CACNA2D3: variants seen among roughly 807,000 people sequenced by gnomAD.
CACNA2D3 encodes voltage-dependent calcium channel subunit alpha-2/delta-3.
In CACNA2D3, 60 loss-of-function variants were observed where a neutral mutation model predicts 160.6. The ratio of observed to expected loss-of-function variants is 0.37; its 90% CI spans 0.30 to 0.46. The LOEUF (loss-of-function observed/expected upper bound fraction) is 0.46. Among genes scored for constraint, CACNA2D3 ranks in the 20% least tolerant of loss-of-function variants. CACNA2D3 has a pLI of 1.00. For missense variants in CACNA2D3, 1,205 were observed against 1,365.0 expected, an observed-to-expected ratio of 0.88 and a Z score of 1.85; for synonymous variants, 558 against 492.9, an observed-to-expected ratio of 1.13 and a Z score of -1.75.
At chr3:54,336,186 A>AC (rs1372752581) in intron 3 of CACNA2D3, among the ~76,000 whole-genome samples, 2 of 151,938 alleles carry the variant, frequency 1.3e-5, no homozygotes, top group Non-Finnish European at 2.9e-5. Flanking sequence ...TTACGCATGG[A>AC]CGCCCTCCTG....
intron 9 of CACNA2D3, among the ~76,000 whole-genome samples, chr3:54,613,702 C>T (rs1367745453): frequency 6.6e-6 from 1 of 152,186 alleles, no homozygotes; most frequent in Non-Finnish European, 1.5e-5. Flanking sequence ...GAGTCTGGCT[C>T]CTTGCTGCAT....
chr3:54,191,861 C>T (rs994379460), intron 2 of CACNA2D3, among the ~76,000 whole-genome samples: 7 of 152,124 alleles, frequency 4.6e-5, no homozygotes, highest in Admixed American at 4.6e-4. Context: ...AATGAAGGGC[C>T]CCAAAAGCGT....
intron 4 of CACNA2D3, among the ~76,000 whole-genome samples, chr3:54,453,034 C>T (rs1454515015): frequency 1.3e-5 from 2 of 151,948 alleles, no homozygotes; most frequent in Non-Finnish European, 2.9e-5. Context: ...CTCTGTCACC[C>T]AAGCTGGAGT....
At chr3:54,151,295 A>G (rs888894007) in intron 2 of CACNA2D3, among the ~76,000 whole-genome samples, 3 of 150,002 alleles carry the variant, frequency 2.0e-5, no homozygotes, top group Non-Finnish European at 4.4e-5. Context: ...GGATGTAGGG[A>G]CGGATAATGG....
chr3:54,228,407 T>TA (rs1287009896), intron 2 of CACNA2D3, among the ~76,000 whole-genome samples: 1 of 152,202 alleles, frequency 6.6e-6, no homozygotes, highest in Non-Finnish European at 1.5e-5. Context: ...CACTGAGAAT[T>TA]ACACAGAATG....
intron 2 of CACNA2D3, among the ~76,000 whole-genome samples, chr3:54,283,711 T>G (rs1211801165): frequency 1.3e-5 from 2 of 152,212 alleles, no homozygotes; most frequent in Non-Finnish European, 2.9e-5. Flanking sequence ...GCTCAAAACC[T>G]GATAACGACA....
intron 3 of CACNA2D3, among the ~76,000 whole-genome samples, chr3:54,377,607 T>C (rs563936280): frequency 9.2e-5 from 14 of 152,348 alleles, no homozygotes; most frequent in African/African-American, 3.1e-4. Context: ...CTAAAGGTTT[T>C]ATTATTTGTG....
rs59492761 is a variant in CACNA2D3 at position 55,033,828 on chromosome 3, T to TTATATAATATGTATTATATATTA, written c.2987+15511_2987+15512insTATATAATATGTATTATATATTA. 1.1e-4 allele frequency among the ~76,000 whole-genome samples: 6 copies of TTATATAATATGTATTATATATTA among 57,008 alleles called. 2 individuals carry two copies. Among genetic ancestry groups the TTATATAATATGTATTATATATTA allele is most frequent in the African/African-American group, 3.0e-4 (4 of 13,334 alleles). The allele number at this position is 57,008 out of a possible 152,430, so 37.4% of individuals were successfully genotyped here. Reference sequence around the variant, plus strand: ...ATATGTATTATATATTAAATATATTTAATATATAATATATATTACATATTA... The same window carrying TTATATAATATGTATTATATATTA: ...ATATGTATTATATATTAAATATATTTTATATAATATGTATTATATATTAAATATATAATATATATTACATATTA... On this transcript the variant is annotated intron_variant, in intron 35 of 37. Coordinates refer to ENST00000474759, the MANE Select transcript of CACNA2D3 (RefSeq NM_018398.3).
chr3:54,848,378 G>A (rs978582080), intron 17 of CACNA2D3, among the ~76,000 whole-genome samples: 1 of 151,692 alleles, frequency 6.6e-6, no homozygotes, highest in African/African-American at 2.4e-5. Flanking sequence ...AGGGTCAAAA[G>A]TGGTGGTGGT....
intron 2 of CACNA2D3, among the ~76,000 whole-genome samples, chr3:54,207,857 C>T (rs1701300740): frequency 6.6e-6 from 1 of 152,112 alleles, no homozygotes; most frequent in Non-Finnish European, 1.5e-5. Flanking sequence ...GATTAGCTAT[C>T]TCGGTGCATC....
intron 2 of CACNA2D3, among the ~76,000 whole-genome samples, chr3:54,313,087 C>T (rs1241978679): frequency 6.6e-6 from 1 of 152,096 alleles, no homozygotes; most frequent in African/African-American, 2.4e-5. Context: ...TCATTATGTG[C>T]AGGCACTGTG....
At chr3:54,597,430 C>T (rs991115285) in intron 9 of CACNA2D3, among the ~76,000 whole-genome samples, 1 of 152,150 alleles carries the variant, frequency 6.6e-6, no homozygotes, top group Non-Finnish European at 1.5e-5. Context: ...CTCCCACCTT[C>T]ACCCCTGAAA....
At chr3:54,553,166 A>C (rs571730668) in intron 5 of CACNA2D3, among the ~76,000 whole-genome samples, 119 of 152,350 alleles carry the variant, frequency 7.8e-4, no homozygotes, top group African/African-American at 2.7e-3. Flanking sequence ...AGTTTAGAGG[A>C]AGGGTAAATG....
At chr3:54,701,496 G>C (rs72872229) in intron 11 of CACNA2D3, among the ~76,000 whole-genome samples, 25,255 of 152,084 alleles carry the variant, frequency 0.17, 2,372 homozygotes, top group Non-Finnish European at 0.21. Flanking sequence ...CCCTACAAAA[G>C]GTCATTTAAA....
intron 11 of CACNA2D3, among the ~76,000 whole-genome samples, chr3:54,643,282 C>T (rs903759439): frequency 6.6e-6 from 1 of 152,302 alleles, no homozygotes; most frequent in Non-Finnish European, 1.5e-5. Context: ...ATACTCTGAA[C>T]ATGAGATGGG....
chr3:54,414,786 T>C (rs183053782), intron 4 of CACNA2D3, among the ~76,000 whole-genome samples: 5 of 148,044 alleles, frequency 3.4e-5, no homozygotes, highest in Non-Finnish European at 5.9e-5. Context: ...CTTGGCTCTT[T>C]TATTATTCTT....
intron 35 of CACNA2D3, among the ~76,000 whole-genome samples, chr3:55,055,864 C>T (rs538803623): frequency 3.3e-5 from 5 of 152,022 alleles, no homozygotes; most frequent in Non-Finnish European, 7.4e-5. Context: ...TACAGAAATG[C>T]TAAAAACTAC....
chr3:54,176,886 C>G (rs192800885), intron 2 of CACNA2D3, among the ~76,000 whole-genome samples: 72 of 152,114 alleles, frequency 4.7e-4, no homozygotes, highest in Non-Finnish European at 6.3e-4. Context: ...GTGATTATTT[C>G]AGGCAGCCCA....
At chr3:54,350,968 GTTTTTTTTT>G (rs758501839) in intron 3 of CACNA2D3, among the ~76,000 whole-genome samples, 4 of 56,130 alleles carry the variant, frequency 7.1e-5, no homozygotes, top group South Asian at 1.4e-3. Context: ...TCTTGAGTCT[GTTTTTTTTT>G]TTTTGTTTGT....
Sources: gnomAD v4.1 joint callset for allele counts (sites outside exome capture counted in the v4.1 genomes callset) on GRCh38, gnomAD v4.1.1 for gene constraint, MANE v1.5 for transcripts, NCBI Gene and HGNC (gene_info 2026-07-23, HGNC 2026-07-21) for gene names.